The following RAD51D variants were observed in gnomAD, a reference collection of about 807,000 sequenced individuals.
The protein encoded by RAD51D is DNA repair protein RAD51 homolog 4.
Under a neutral mutation model 44.1 loss-of-function variants are expected in RAD51D, and 38 were observed. The ratio of observed to expected loss-of-function variants is 0.86; its 90% CI spans 0.67 to 1.13. The LOEUF (loss-of-function observed/expected upper bound fraction) is 1.13. Ranked by LOEUF, RAD51D falls within the 50% of genes most tolerant of loss-of-function variation. The pLI is 0.00. For missense variants in RAD51D, 390 were observed against 414.0 expected (o/e 0.94, Z 0.50); for synonymous variants, 141 against 166.6 (o/e 0.85, Z 1.18).
chr17:35,107,578 TCTC>T (rs1394682564), intron 3 of RAD51D, 131 bp from the exon 4 acceptor site: 1 of 766,094 alleles, frequency 1.3e-6, no homozygotes, highest in Admixed American at 2.0e-5. Context: ...CCAGGAGGCT[TCTC>T]CTGGTGTTTT....
At chr17:35,101,094 A>G (rs2091530148) in intron 9 of RAD51D, 58 bp from the exon 10 acceptor site, 16 of 1,604,044 alleles carry the variant, frequency 1.0e-5, no homozygotes, top group Non-Finnish European at 1.4e-5. Flanking sequence ...TAGCTTCTTT[A>G]GTTGCAAGGT....
In RAD51D at chr17:35,119,041, C is replaced by T. The variant is rs1051071982; in HGVS notation, c.144+70G>A. The T allele has an allele frequency of 8.3e-6, 12 of 1,450,880 alleles. No individual in the cohort carries two copies. In the Admixed American group the frequency reaches 1.0e-4, roughly 12 times the overall value. The allele number at this position is 1,450,880 out of a possible 1,614,324, so 89.9% of individuals were successfully genotyped here. On this transcript the variant is annotated intron_variant, in intron 2 of 9. Transcript: ENST00000345365. Reference sequence around the variant, plus strand: ...CTGGGATTACAGGCATGAGCCACCGCGCCCAGCTGGCTTGGGATGGACTTT... The same window carrying T: ...CTGGGATTACAGGCATGAGCCACCGTGCCCAGCTGGCTTGGGATGGACTTT...
intron 9 of RAD51D, 58 bp downstream of exon 9, chr17:35,101,143 G>T (rs886196010): frequency 2.3e-5 from 37 of 1,612,346 alleles, no homozygotes; most frequent in Non-Finnish European, 3.1e-5. Flanking sequence ...ACATCTGTGG[G>T]TATGGAAACC....
rs1458409641 is a variant in RAD51D, at chr17:35,092,937, A to C, written c.*8016T>G. The stretch of plus-strand genomic sequence containing the variant: ...GACAGAACTGGCTACACTGTTTGCA[A>C]GAAACAGTGCAAAATATGGGATGCT... On this transcript the variant is annotated 3_prime_UTR_variant, in exon 10 of 10. Transcript: ENST00000345365. 1 of 152,222 alleles carries C rather than the reference A, an allele frequency of 6.6e-6. No individual in the cohort carries two copies. Among genetic ancestry groups the C allele is most frequent in the Non-Finnish European group, 1.5e-5 (1 of 68,056 alleles). The allele number at this position is 152,222 out of a possible 1,614,324, so 9.4% of individuals were successfully genotyped here. A position where few individuals can be genotyped will look rare whatever the true frequency, so the allele number is the denominator to read the frequency against.
At chr17:35,118,687 C>T in intron 2 of RAD51D, 68 bp from the exon 3 acceptor site, 1 of 1,158,058 alleles carries the variant, frequency 8.6e-7, no homozygotes, top group South Asian at 1.2e-5. Context: ...GGGTGTCATT[C>T]ACCCTACTTC....
intron 6 of RAD51D, among the ~76,000 whole-genome samples, chr17:35,104,091 TA>T (rs2091571787): frequency 6.6e-6 from 1 of 151,792 alleles, no homozygotes; most frequent in African/African-American, 2.4e-5. Context: ...AAAAATAAAA[TA>T]AAATAACTAA....
chr17:35,108,257 A>AAAC (rs758245231), intron 3 of RAD51D, among the ~76,000 whole-genome samples: 44 of 151,684 alleles, frequency 2.9e-4, no homozygotes, highest in Middle Eastern at 3.2e-3. Context: ...AAAACAAAAC[A>AAAC]AACAACAACA....
rs2091497841 is a variant in RAD51D, at chr17:35,097,790, T to G, written c.*3163A>C. ...CAGACACGTGAACAGAAAGTACAAGTGAATAACTAATACAGGGAAGTTACT... is the reference window on the plus strand; with the variant it reads ...CAGACACGTGAACAGAAAGTACAAGGGAATAACTAATACAGGGAAGTTACT... On this transcript the variant is annotated 3_prime_UTR_variant, in exon 10 of 10. Coordinates refer to ENST00000345365, the MANE Select transcript of RAD51D (RefSeq NM_002878.4). The G allele has an allele frequency of 6.6e-6, 1 of 152,098 alleles. No homozygotes were observed. The highest frequency in any genetic ancestry group is 6.6e-5 in the Admixed American group (1 of 15,266). 9.4% of individuals were successfully genotyped at this position (152,098 alleles called of 1,614,324 possible).
intron 1 of RAD51D, 91 bp downstream of exon 1, chr17:35,119,441 G>C: frequency 7.0e-7 from 1 of 1,421,572 alleles, no homozygotes. Flanking sequence ...GAAGCGCCCT[G>C]CAGGTATGCC....
intron 3 of RAD51D, among the ~76,000 whole-genome samples, chr17:35,111,273 G>A (rs1483713192): frequency 1.5e-5 from 2 of 134,650 alleles, no homozygotes; most frequent in African/African-American, 5.7e-5. Flanking sequence ...AGAATCGCTT[G>A]AACCCGGGAG....
rs1271100046 is a variant in RAD51D, at chr17:35,100,663, C to A, written c.*290G>T. ...TCGCCAGCATGCCTCATCAGAGATG[C>A]TCCCAGCCAGGGTGAACTTGGTTTC... On this transcript the variant is annotated 3_prime_UTR_variant, in exon 10 of 10. Transcript: ENST00000345365. 1 of 579,612 alleles carries A rather than the reference C, an allele frequency of 1.7e-6. No individual in the cohort carries two copies. Among genetic ancestry groups the A allele is most frequent in the East Asian group, 3.3e-5 (1 of 29,900 alleles). The allele number at this position is 579,612 out of a possible 1,614,324, so 35.9% of individuals were successfully genotyped here.
intron 3 of RAD51D, chr17:35,117,095 C>G (rs551666227): frequency 1.3e-6 from 2 of 1,545,542 alleles, no homozygotes; most frequent in African/African-American, 2.7e-5. Flanking sequence ...TTCACCACTC[C>G]CTCCTTACCG....
In RAD51D at chr17:35,095,897, T is replaced by C. The variant is rs911811548; in HGVS notation, c.*5056A>G. ...TGAAAACCTAATTTAGGAGTATACT[T>C]TTGTAACAGATTGCTGAGGCTCAGC... is the stretch of plus-strand genomic sequence containing the variant. On this transcript the variant is annotated 3_prime_UTR_variant, in exon 10 of 10. Coordinates refer to ENST00000345365, the MANE Select transcript of RAD51D (RefSeq NM_002878.4). The C allele has an allele frequency of 6.6e-6, 1 of 152,228 alleles. No individual in the cohort carries two copies. The highest frequency in any genetic ancestry group is 2.4e-5 in the African/African-American group (1 of 41,464). The allele number at this position is 152,228 out of a possible 1,614,324, so 9.4% of individuals were successfully genotyped here.
rs786202993 is a variant in RAD51D at position 35,103,528 on chromosome 17, C to G, written c.593G>C (p.Gly198Ala). 1 of 1,614,156 alleles carries G rather than the reference C, an allele frequency of 6.2e-7. No homozygotes were observed. Among genetic ancestry groups the G allele is most frequent in the East Asian group, 2.2e-5 (1 of 44,886 alleles). Reference sequence around the variant, plus strand: ...GTCCACAACCACCACCTTCACAGTTCCTGAAGAACCAGTCACCTGAAGGAA... The same window carrying G: ...GTCCACAACCACCACCTTCACAGTTGCTGAAGAACCAGTCACCTGAAGGAA... The part of the protein sequence containing the change: ...TVAQQVTGSS[G>A]TVKVVVVDSV... Residue 198 changes from glycine (G) to alanine (A), a missense_variant, in exon 7 of 10, where the codon GGA (glycine) becomes GCA (alanine). Gly to Ala is a moderately conservative substitution (Grantham distance 60, BLOSUM62 0). Transcript: ENST00000345365. The surrounding 1 kb of genome is among the most constrained non-coding windows in gnomAD (Gnocchi z 4.1).
At chr17:35,102,995 G>A (rs1393283131) in intron 8 of RAD51D, among the ~76,000 whole-genome samples, 1 of 152,032 alleles carries the variant, frequency 6.6e-6, no homozygotes, top group African/African-American at 2.4e-5. Flanking sequence ...CAAGGAGAAA[G>A]TTACTCTATG....
In RAD51D at chr17:35,114,518, C is replaced by CA. The variant is rs760619515; in HGVS notation, c.263+3982dup. Among the ~76,000 whole-genome samples the CA allele has an allele frequency of 2.7e-3, 387 of 141,532 alleles. 4 individuals carry two copies. The highest frequency in any genetic ancestry group is 8.7e-3 in the African/African-American group (333 of 38,214). 92.9% of individuals were successfully genotyped at this position (141,532 alleles called of 152,430 possible). ...CAACACAGCAAGACCCCTGTCTCTA[C>CA]AAAAAAAAAAAATTTTTTTTAATTA... is the stretch of plus-strand genomic sequence containing the variant. On this transcript the variant is annotated intron_variant, in intron 3 of 9. Coordinates refer to ENST00000345365, the MANE Select transcript of RAD51D (RefSeq NM_002878.4).
intron 1 of RAD51D, 91 bp downstream of exon 1, chr17:35,119,441 G>T: frequency 2.8e-6 from 4 of 1,421,570 alleles, no homozygotes; most frequent in South Asian, 1.1e-5. Flanking sequence ...GAAGCGCCCT[G>T]CAGGTATGCC....
At chr17:35,107,174 G>T (rs1216602692) in intron 4 of RAD51D, 52 bp from the exon 5 acceptor site, 1 of 1,607,986 alleles carries the variant, frequency 6.2e-7, no homozygotes. Context: ...GGTCCAGATG[G>T]GAGCTCCCCA....
rs183881878 is a variant in RAD51D, at chr17:35,103,642, C to G, written c.577-98G>C. 2.8e-4 allele frequency: 243 copies of G among 870,844 alleles called. 1 individual carries two copies. Among genetic ancestry groups the G allele is most frequent in the South Asian group, 3.7e-4 (26 of 70,928 alleles). The allele number at this position is 870,844 out of a possible 1,614,324, so 53.9% of individuals were successfully genotyped here. ...CTATCTAAAACTAGTAAGAAATAGC[C>G]CCCCCATCCCAAATACAGCAAGCTG... On this transcript the variant is annotated intron_variant, in intron 6 of 9. Coordinates refer to ENST00000345365, the MANE Select transcript of RAD51D (RefSeq NM_002878.4). This position sits in a 1 kb window ranked among gnomAD's most constrained non-coding sequence, Gnocchi z 4.1.
Sources: gnomAD v4.1 joint callset for allele counts (sites outside exome capture counted in the v4.1 genomes callset) on GRCh38, gnomAD v4.1.1 for gene constraint, Gnocchi (gnomAD v3.1) non-coding constraint, MANE v1.5 for transcripts, NCBI Gene and HGNC (gene_info 2026-07-23, HGNC 2026-07-21) for gene names.